ADAM10: variants seen among roughly 807,000 people sequenced by gnomAD.
The protein encoded by ADAM10 is ADAM metallopeptidase domain 10.
In ADAM10, 17 loss-of-function variants were observed where a neutral mutation model predicts 90.1. The ratio of observed to expected loss-of-function variants is 0.19; its 90% CI spans 0.13 to 0.28. ADAM10 has a LOEUF of 0.28. Among genes scored for constraint, ADAM10 ranks in the 10% least tolerant of loss-of-function variants. The pLI is 1.00. For synonymous variants in ADAM10, 310 were observed against 298.6 expected (o/e 1.04, Z -0.40); for missense variants, 610 against 914.3 (o/e 0.67, Z 4.29).
chr15:58,702,100 T>C (rs1369279083), intron 2 of ADAM10, among the ~76,000 whole-genome samples: 5 of 152,032 alleles, frequency 3.3e-5, no homozygotes, highest in African/African-American at 1.2e-4. Flanking sequence ...AGCGAGATTC[T>C]GTCTCAAAAA....
At chr15:58,671,652 T>A (rs1250269434) in intron 4 of ADAM10, among the ~76,000 whole-genome samples, 1 of 152,220 alleles carries the variant, frequency 6.6e-6, no homozygotes, top group African/African-American at 2.4e-5. Context: ...GGCAGGAGGA[T>A]GACTTGAGCT....
In ADAM10 at chr15:58,590,400, T is replaced by A. The variant is rs1476310510; in HGVS notation, c.*7147A>T. ...TGTTAAGTTCACTACTGTATTCTTA[T>A]CATCTAGCCAAGGCCCTGGCACAAT... is the stretch of plus-strand genomic sequence containing the variant. On this transcript the variant is annotated 3_prime_UTR_variant, in exon 16 of 16. Transcript: ENST00000260408. 1 of 152,250 alleles carries A rather than the reference T, an allele frequency of 6.6e-6. No individual in the cohort carries two copies. Among genetic ancestry groups the A allele is most frequent in the Non-Finnish European group, 1.5e-5 (1 of 68,050 alleles). The allele number at this position is 152,250 out of a possible 1,614,324, so 9.4% of individuals were successfully genotyped here. A position where few individuals can be genotyped will look rare whatever the true frequency, so the allele number is the denominator to read the frequency against.
chr15:58,611,274 T>C, intron 12 of ADAM10, 167 bp from the exon 13 acceptor site: 1 of 602,400 alleles, frequency 1.7e-6, no homozygotes, highest in South Asian at 2.1e-5. Flanking sequence ...TAAATACATT[T>C]GAAAAAATTT....
Position 58,610,510 on chromosome 15 carries a change from T to C in ADAM10, c.1812A>G (p.Pro604=). The C allele has an allele frequency of 6.2e-7, 1 of 1,614,060 alleles. No homozygotes were observed. Among genetic ancestry groups the C allele is most frequent in the Non-Finnish European group, 8.5e-7 (1 of 1,179,960 alleles). The part of the protein sequence containing the change: ...CHVCCMKKMD[P]STCASTGSVQ... ...CAGACCCTGTACTGGCACAAGTTGA[T>C]GGGTCCACTGGAAAAGAAATGCCAA... Residue 604 remains proline (P), a synonymous_variant, in exon 14 of 16, where the codon CCA becomes CCG. Coordinates refer to ENST00000260408, the MANE Select transcript of ADAM10 (RefSeq NM_001110.4).
At position 58,709,478 on chromosome 15, in the gene ADAM10, C is replaced by T. The variant is rs111867463; in HGVS notation, c.206+8099G>A. On this transcript the variant is annotated intron_variant, in intron 2 of 15. Coordinates refer to ENST00000260408, the MANE Select transcript of ADAM10 (RefSeq NM_001110.4). The stretch of plus-strand genomic sequence containing the variant: ...CACTGGCCAGGCACGGTGACTCACG[C>T]CTGTAATCCCAGAACTTTGGGAGGC... Among the ~76,000 whole-genome samples the T allele has an allele frequency of 3.6e-3, 543 of 152,312 alleles. 5 individuals carry two copies. Among genetic ancestry groups the T allele is most frequent in the African/African-American group, 0.013 (522 of 41,560 alleles).
At chr15:58,728,695 A>G (rs912633361) in intron 1 of ADAM10, among the ~76,000 whole-genome samples, 1 of 152,218 alleles carries the variant, frequency 6.6e-6, no homozygotes, top group Admixed American at 6.5e-5. Flanking sequence ...CAAAAGTTAT[A>G]AAATTTCCCT....
At chr15:58,687,739 T>C (rs1221992417) in intron 2 of ADAM10, among the ~76,000 whole-genome samples, 4 of 152,146 alleles carry the variant, frequency 2.6e-5, no homozygotes, top group African/African-American at 9.7e-5. Context: ...GAACAAACTA[T>C]TGATAAACAC....
At chr15:58,655,711 GTATATA>G (rs1174017303) in intron 5 of ADAM10, among the ~76,000 whole-genome samples, 25 of 53,732 alleles carry the variant, frequency 4.7e-4, no homozygotes, top group Admixed American at 3.3e-3. Context: ...TATATATATA[GTATATA>G]TATATATATA....
At chr15:58,692,234 C>G in intron 2 of ADAM10, 1 of 587,966 alleles carries the variant, frequency 1.7e-6, no homozygotes, top group Non-Finnish European at 3.4e-6. Flanking sequence ...TCCAAATGAC[C>G]TTCTACAGGG....
At chr15:58,645,925 T>G in intron 6 of ADAM10, 130 bp downstream of exon 6, 1 of 954,446 alleles carries the variant, frequency 1.0e-6, no homozygotes, top group African/African-American at 1.6e-5. Flanking sequence ...CTTACACATT[T>G]TATCACATCA....
At chr15:58,660,692 TTAAC>T (rs2140722431) in intron 5 of ADAM10, among the ~76,000 whole-genome samples, 1 of 152,342 alleles carries the variant, frequency 6.6e-6, no homozygotes, top group East Asian at 1.9e-4. Flanking sequence ...CTAACTTCTC[TTAAC>T]TGTTTTTAAA....
chr15:58,749,613 G>A lies in ADAM10; in HGVS notation c.-79C>T, dbSNP rs1401299454. On this transcript the variant is annotated 5_prime_UTR_variant, in exon 1 of 16. Coordinates refer to ENST00000260408, the MANE Select transcript of ADAM10 (RefSeq NM_001110.4). Reference sequence around the variant, plus strand: ...TCGATCCGGAGGGAGAAGCTGAAGGGGCTTGGTCCGGAGCCTCCACGGGAA... The same window carrying A: ...TCGATCCGGAGGGAGAAGCTGAAGGAGCTTGGTCCGGAGCCTCCACGGGAA... The A allele has an allele frequency of 6.5e-7, 1 of 1,544,522 alleles. No individual in the cohort carries two copies. The highest frequency in any genetic ancestry group is 8.7e-7 in the Non-Finnish European group (1 of 1,143,226).
chr15:58,645,465 T>A (rs1417350161), intron 6 of ADAM10, among the ~76,000 whole-genome samples: 1 of 152,166 alleles, frequency 6.6e-6, no homozygotes, highest in Non-Finnish European at 1.5e-5. Flanking sequence ...AGGGAAGAAC[T>A]ACCTAGCTTT....
chr15:58,658,236 T>C (rs964052505), intron 5 of ADAM10, among the ~76,000 whole-genome samples: 2 of 152,152 alleles, frequency 1.3e-5, no homozygotes, highest in Non-Finnish European at 2.9e-5. Flanking sequence ...TTCATATGGA[T>C]ATCCAATTGT....
In ADAM10 at chr15:58,668,724, C is replaced by T. The variant is rs1039312724; in HGVS notation, c.485-3527G>A. Among the ~76,000 whole-genome samples the T allele has an allele frequency of 1.2e-4, 19 of 152,178 alleles. No homozygotes were observed. The East Asian group carries it at 3.7e-3, about 29-fold the overall frequency. ...TGACTCTCTATTACTGAAAATTCCCCTGAAGGTTTTTAATCTTCAGGGGAA... is the reference window on the plus strand; with the variant it reads ...TGACTCTCTATTACTGAAAATTCCCTTGAAGGTTTTTAATCTTCAGGGGAA... On this transcript the variant is annotated intron_variant, in intron 4 of 15. Transcript: ENST00000260408.
chr15:58,610,492 T>C lies in ADAM10; in HGVS notation c.1830A>G (p.Thr610=). The C allele has an allele frequency of 6.2e-7, 1 of 1,614,176 alleles. No individual in the cohort carries two copies. The highest frequency in any genetic ancestry group is 1.1e-5 in the South Asian group (1 of 91,086). Residue 610 remains threonine (T), a synonymous_variant, in exon 14 of 16, where the codon ACA becomes ACG. Transcript: ENST00000260408. The part of the protein sequence containing the change: ...KKMDPSTCAS[T]GSVQWSRHFS... ...AGTGCCTACTCCACTGCACAGACCC[T>C]GTACTGGCACAAGTTGATGGGTCCA...
intron 15 of ADAM10, 50 bp downstream of exon 15, chr15:58,599,548 C>T (rs780459538): frequency 1.3e-6 from 2 of 1,595,846 alleles, no homozygotes; most frequent in Admixed American, 1.7e-5. Flanking sequence ...ATTCTACCTG[C>T]TAAACAATTC....
At chr15:58,645,982 A>T in intron 6 of ADAM10, 73 bp downstream of exon 6, 1 of 1,541,768 alleles carries the variant, frequency 6.5e-7, no homozygotes, top group Non-Finnish European at 8.9e-7. Flanking sequence ...ACACTAACTT[A>T]AATTTTTAAA....
At position 58,640,818 on chromosome 15, in the gene ADAM10, T is replaced by G; in HGVS notation, c.971A>C (p.Asp324Ala). 6.2e-7 allele frequency: 1 copy of G among 1,614,126 alleles called. No individual in the cohort carries two copies. The highest frequency in any genetic ancestry group is 2.2e-5 in the East Asian group (1 of 44,870). ...CCAAGCCAGACCAAGTACGCCATCATCAAAATCTCGGTCTGTGAAGACATA... is the reference window on the plus strand; with the variant it reads ...CCAAGCCAGACCAAGTACGCCATCAGCAAAATCTCGGTCTGTGAAGACATA... The part of the protein sequence containing the change: ...LAYVFTDRDF[D>A]DGVLGLAWVG... The change falls in exon 8 of 16, where the codon GAT becomes GCT. Residue 324 changes from aspartate (D) to alanine (A), a missense_variant. By Grantham distance (126) the Asp-to-Ala change is moderately radical (BLOSUM62 -2). Coordinates refer to ENST00000260408, the MANE Select transcript of ADAM10 (RefSeq NM_001110.4).
Sources: allele counts gnomAD v4.1 joint callset (sites outside exome capture counted in the v4.1 genomes callset), GRCh38; gene constraint gnomAD v4.1.1; transcripts MANE v1.5; gene names NCBI Gene and HGNC (gene_info 2026-07-23, HGNC 2026-07-21).